The following CYP11A1 variants were observed in gnomAD, a reference collection of about 807,000 sequenced individuals.
CYP11A1 encodes cytochrome P450 family 11 subfamily A member 1, also known as cholesterol side-chain cleavage enzyme, mitochondrial.
A neutral mutation model predicts 51.9 loss-of-function variants in CYP11A1; 25 were observed. The ratio of observed to expected loss-of-function variants is 0.48; its 90% CI spans 0.35 to 0.67. The LOEUF (loss-of-function observed/expected upper bound fraction) is 0.67. CYP11A1 is among the 30% of genes least tolerant of loss of function. CYP11A1 has a pLI of 0.00. For synonymous variants in CYP11A1, 245 were observed against 262.1 expected, an observed-to-expected ratio of 0.93 and a Z score of 0.63; for missense variants, 578 against 680.9, an observed-to-expected ratio of 0.85 and a Z score of 1.68.
At chr15:74,338,230 C>T (rs2060588452) in intron 8 of CYP11A1, 127 bp from the exon 9 acceptor site, 3 of 1,104,890 alleles carry the variant, frequency 2.7e-6, no homozygotes, top group Admixed American at 1.8e-5. Context: ...TCACCACCAG[C>T]TCCTGGTGTA....
chr15:74,350,654 CTT>C (rs1050592439), intron 1 of CYP11A1: 36 of 152,326 alleles, frequency 2.4e-4, no homozygotes, highest in African/African-American at 8.2e-4. Flanking sequence ...CTGTAAATGA[CTT>C]TGTAACTTTA....
chr15:74,365,926 C>T (rs117592939), intron 1 of CYP11A1: 22,374 of 984,832 alleles, frequency 0.023, 303 homozygotes, highest in Middle Eastern at 0.088. Context: ...CCTCAAAGCG[C>T]ACGGAGTCCG....
At position 74,338,568 on chromosome 15, in the gene CYP11A1, C is replaced by T; in HGVS notation, c.1434+3G>A. The T allele has an allele frequency of 6.2e-7, 1 of 1,614,090 alleles. No homozygotes were observed. Reference sequence around the variant, plus strand: ...GTGCCTAGATGTCCCCAGCTTGACTCACATTGATGAGGAAGATGGTCATCT... The same window carrying T: ...GTGCCTAGATGTCCCCAGCTTGACTTACATTGATGAGGAAGATGGTCATCT... On this transcript the variant is annotated splice_donor_region_variant and intron_variant, in intron 8 of 8. Coordinates refer to ENST00000268053, the MANE Select transcript of CYP11A1 (RefSeq NM_000781.3).
Position 74,338,725 on chromosome 15 carries a change from G to A in CYP11A1, c.1280C>T (p.Thr427Ile), listed in dbSNP as rs1457748782. Residue 427 changes from threonine to isoleucine, a missense_variant, in exon 8 of 9, where the codon ACC (threonine) becomes ATC (isoleucine). Transcript: ENST00000268053. ...VAIYALGREPTFFFDPENFDP... is the reference protein window; with the variant it reads ...VAIYALGREPIFFFDPENFDP... ...AAAATTTTCCGGGTCGAAGAAGAAG[G>A]TGGGCTCTCGGCCCAGAGCATAGAT... is the stretch of plus-strand genomic sequence containing the variant. The A allele has an allele frequency of 2.5e-6, 4 of 1,614,070 alleles. No homozygotes were observed. Among genetic ancestry groups the A allele is most frequent in the East Asian group, 4.5e-5 (2 of 44,902 alleles).
intron 1 of CYP11A1, chr15:74,365,595 T>C (rs920885156): frequency 2.5e-6 from 2 of 810,238 alleles, no homozygotes; most frequent in Non-Finnish European, 3.0e-6. Flanking sequence ...GAGTGGGATC[T>C]GGGGAAGGTT....
intron 1 of CYP11A1, chr15:74,367,052 C>CAGAT (rs1469296746): frequency 1.9e-6 from 1 of 518,730 alleles, no homozygotes; most frequent in Non-Finnish European, 3.5e-6. Context: ...AGCTTCCTTA[C>CAGAT]AGATGGCTGG....
At chr15:74,338,216 G>A in intron 8 of CYP11A1, 113 bp from the exon 9 acceptor site, 1 of 1,267,818 alleles carries the variant, frequency 7.9e-7, no homozygotes, top group Admixed American at 1.7e-5. Flanking sequence ...GAGTTCCAAG[G>A]AGTTCACCAC....
At chr15:74,346,030 C>A (rs920173028) in intron 2 of CYP11A1, among the ~76,000 whole-genome samples, 2 of 152,116 alleles carry the variant, frequency 1.3e-5, no homozygotes, top group Admixed American at 6.5e-5. Flanking sequence ...GGTACTATTA[C>A]AAAATATATA....
At chr15:74,350,715 G>T (rs1454329906) in intron 1 of CYP11A1, 3 of 152,176 alleles carry the variant, frequency 2.0e-5, no homozygotes, top group Non-Finnish European at 4.4e-5. Flanking sequence ...CCAATGGAAT[G>T]CTCTAAGGGG....
At chr15:74,353,334 T>G (rs1193867340) in intron 1 of CYP11A1, among the ~76,000 whole-genome samples, 1 of 152,240 alleles carries the variant, frequency 6.6e-6, no homozygotes, top group Admixed American at 6.5e-5. Flanking sequence ...ATTAACATTT[T>G]TATAGTTAAA....
At chr15:74,364,243 T>C (rs1172648362) in intron 1 of CYP11A1, 1 of 152,646 alleles carries the variant, frequency 6.6e-6, no homozygotes, top group Non-Finnish European at 1.5e-5. Flanking sequence ...TGATCCCCAA[T>C]AGGTAGGGAC....
intron 2 of CYP11A1, among the ~76,000 whole-genome samples, chr15:74,346,318 A>G (rs2060632859): frequency 1.4e-5 from 2 of 142,190 alleles, no homozygotes; most frequent in East Asian, 4.1e-4. Context: ...GTGCCATTGC[A>G]CTCCAGCCTG....
chr15:74,339,633 G>T lies in CYP11A1; in HGVS notation c.1111C>A (p.Leu371Ile). ...GCTTTGAGGAGGGGGACCAGCTGTA[G>T]CATCGTGGCCATGTCTCCCTGGGCC... ...HQAQGDMATMLQLVPLLKASI... is the reference protein window; with the variant it reads ...HQAQGDMATMIQLVPLLKASI... Residue 371 changes from leucine (L) to isoleucine (I), a missense_variant, in exon 6 of 9, where the codon CTA becomes ATA. Leu to Ile is a conservative substitution (Grantham distance 5). Coordinates refer to ENST00000268053, the MANE Select transcript of CYP11A1 (RefSeq NM_000781.3). The T allele has an allele frequency of 6.2e-7, 1 of 1,614,172 alleles. No homozygotes were observed. Among genetic ancestry groups the T allele is most frequent in the Non-Finnish European group, 8.5e-7 (1 of 1,180,014 alleles).
intron 1 of CYP11A1, chr15:74,348,326 C>T: frequency 2.1e-6 from 1 of 466,052 alleles, no homozygotes; most frequent in Non-Finnish European, 3.9e-6. Context: ...ATCACTGTTG[C>T]TGCTGTCCCA....
intron 1 of CYP11A1, among the ~76,000 whole-genome samples, chr15:74,355,515 C>G (rs769637447): frequency 6.6e-6 from 1 of 152,160 alleles, no homozygotes; most frequent in African/African-American, 2.4e-5. Flanking sequence ...TTCCAATCTT[C>G]CTTTTCTACC....
intron 1 of CYP11A1, among the ~76,000 whole-genome samples, chr15:74,351,676 T>C (rs1435313607): frequency 6.6e-6 from 1 of 152,232 alleles, no homozygotes; most frequent in Non-Finnish European, 1.5e-5. Context: ...TTCTGAGGTC[T>C]AGCCCTCCTT....
intron 1 of CYP11A1, among the ~76,000 whole-genome samples, chr15:74,351,308 C>A (rs2060655186): frequency 6.6e-6 from 1 of 152,122 alleles, no homozygotes; most frequent in South Asian, 2.1e-4. Flanking sequence ...TGCCCCAAAG[C>A]GGGAGGGACT....
intron 8 of CYP11A1, 108 bp from the exon 9 acceptor site, chr15:74,338,211 C>A: frequency 7.5e-7 from 1 of 1,336,936 alleles, no homozygotes; most frequent in Non-Finnish European, 1.1e-6. Flanking sequence ...TTGAGGAGTT[C>A]CAAGGAGTTC....
At chr15:74,361,677 G>A (rs1261978225) in intron 1 of CYP11A1, 8 of 1,221,980 alleles carry the variant, frequency 6.5e-6, no homozygotes, top group Non-Finnish European at 9.6e-6. Flanking sequence ...GAGCACTGGA[G>A]AGGAAGGATT....
Sources: allele counts gnomAD v4.1 joint callset (sites outside exome capture counted in the v4.1 genomes callset), GRCh38; gene constraint gnomAD v4.1.1; transcripts MANE v1.5; gene names NCBI Gene and HGNC (gene_info 2026-07-23, HGNC 2026-07-21).